The following PKHD1 variants were observed in gnomAD, a reference collection of about 807,000 sequenced individuals.
PKHD1 encodes the protein PKHD1 ciliary IPT domain containing fibrocystin/polyductin.
A neutral mutation model predicts 412.0 loss-of-function variants in PKHD1; 291 were observed. The ratio of observed to expected loss-of-function variants is 0.71; its 90% CI spans 0.64 to 0.78. The LOEUF (loss-of-function observed/expected upper bound fraction) is 0.78, where lower values mean the gene tolerates loss of function less well. PKHD1 is among the 30% of genes least tolerant of loss of function. The probability of loss-of-function intolerance (pLI) is 0.00; values close to 1 mark genes in which losing one functional copy is unlikely to be tolerated. For missense variants in PKHD1, 4,825 were observed against 4,950.7 expected (o/e 0.97, Z 0.76); for synonymous variants, 1,777 against 1,821.5 (o/e 0.98, Z 0.62).
At chr6:51,848,834 T>C (rs190725652) in intron 49 of PKHD1, among the ~76,000 whole-genome samples, 11 of 150,548 alleles carry the variant, frequency 7.3e-5, no homozygotes, top group Non-Finnish European at 1.2e-4. Flanking sequence ...AGTATGAAAA[T>C]AAGCTTAGGG....
At chr6:51,933,661 C>T (rs1786995827) in intron 37 of PKHD1, among the ~76,000 whole-genome samples, 1 of 152,224 alleles carries the variant, frequency 6.6e-6, no homozygotes, top group Admixed American at 6.5e-5. Flanking sequence ...GCAGAAGGAA[C>T]TGCCTCTATC....
chr6:51,994,296 A>G (rs1027417981), intron 35 of PKHD1, among the ~76,000 whole-genome samples: 9 of 152,102 alleles, frequency 5.9e-5, no homozygotes, highest in African/African-American at 1.7e-4. Context: ...CACCGCGCCC[A>G]GCTAATTTTT....
At chr6:52,033,009 T>C in intron 29 of PKHD1, 21 bp downstream of exon 29, 1 of 1,599,534 alleles carries the variant, frequency 6.3e-7, no homozygotes, top group Non-Finnish European at 8.6e-7. Context: ...GAAAAAGATC[T>C]TGCAGTATCA....
At chr6:52,048,035 C>T (rs774909473) in intron 23 of PKHD1, among the ~76,000 whole-genome samples, 3 of 152,102 alleles carry the variant, frequency 2.0e-5, no homozygotes, top group Non-Finnish European at 4.4e-5. Flanking sequence ...GCAACGTGAC[C>T]ACAGAGGCGG....
chr6:51,657,187 G>T (rs1352599169), intron 61 of PKHD1, among the ~76,000 whole-genome samples: 1 of 151,862 alleles, frequency 6.6e-6, no homozygotes, highest in Admixed American at 6.6e-5. Flanking sequence ...CAGTTCATGG[G>T]CTCGTCAATG....
At position 51,861,015 on chromosome 6, in the gene PKHD1, G is replaced by A. The variant is rs556749817; in HGVS notation, c.7734-4945C>T. ...TTTAGTACAGATGGGGTTTCACCATGTTGGCCAGGCTGGTCTCGAACTCCT... is the reference window on the plus strand; with the variant it reads ...TTTAGTACAGATGGGGTTTCACCATATTGGCCAGGCTGGTCTCGAACTCCT... On this transcript the variant is annotated intron_variant, in intron 48 of 66. Transcript: ENST00000371117. Among the ~76,000 whole-genome samples, 17 of 152,196 alleles carry A rather than the reference G, an allele frequency of 1.1e-4. 1 individual carries two copies. In the South Asian group the frequency reaches 3.3e-3, roughly 30 times the overall value.
At chr6:51,902,191 CA>C (rs1445462011) in intron 43 of PKHD1, among the ~76,000 whole-genome samples, 2 of 152,338 alleles carry the variant, frequency 1.3e-5, no homozygotes, top group Non-Finnish European at 2.9e-5. Flanking sequence ...TACACAAAAA[CA>C]TGGTTTCTTA....
At chr6:51,916,458 T>C (rs1783829054) in intron 37 of PKHD1, among the ~76,000 whole-genome samples, 1 of 152,140 alleles carries the variant, frequency 6.6e-6, no homozygotes, top group South Asian at 2.1e-4. Flanking sequence ...CAAGATTATA[T>C]GGTAATAGAT....
At chr6:51,730,740 T>C (rs1223848523) in intron 60 of PKHD1, among the ~76,000 whole-genome samples, 5 of 152,220 alleles carry the variant, frequency 3.3e-5, no homozygotes, top group East Asian at 1.9e-4. Context: ...TTGGTATCTA[T>C]TGGCAAGGCA....
chr6:52,063,688 C>G (rs1582044937), intron 13 of PKHD1, among the ~76,000 whole-genome samples: 1 of 152,358 alleles, frequency 6.6e-6, no homozygotes, highest in Non-Finnish European at 1.5e-5. Flanking sequence ...TTCCCAGCCT[C>G]AGCCCACTAG....
intron 33 of PKHD1, among the ~76,000 whole-genome samples, chr6:52,018,452 T>C (rs970760482): frequency 2.0e-5 from 3 of 152,240 alleles, no homozygotes; most frequent in Non-Finnish European, 4.4e-5. Flanking sequence ...CAATCAGGTG[T>C]GTAAAATGGC....
At chr6:51,664,953 A>T (rs1166899811) in intron 60 of PKHD1, among the ~76,000 whole-genome samples, 2 of 152,124 alleles carry the variant, frequency 1.3e-5, no homozygotes, top group Non-Finnish European at 2.9e-5. Flanking sequence ...TTCATCAAAT[A>T]TTAGTTATTA....
At chr6:51,635,956 C>T (rs987742938) in intron 64 of PKHD1, among the ~76,000 whole-genome samples, 21 of 151,636 alleles carry the variant, frequency 1.4e-4, no homozygotes, top group Non-Finnish European at 2.5e-4. Context: ...GAGAACCCCA[C>T]GGCACCAAGA....
chr6:51,726,433 C>G (rs906457235), intron 60 of PKHD1, among the ~76,000 whole-genome samples: 1 of 152,086 alleles, frequency 6.6e-6, no homozygotes, highest in African/African-American at 2.4e-5. Flanking sequence ...AAAGACAAAC[C>G]AGGCTATACT....
chr6:52,061,337 C>T (rs1369833174), intron 14 of PKHD1, among the ~76,000 whole-genome samples: 2 of 152,118 alleles, frequency 1.3e-5, no homozygotes, highest in African/African-American at 4.8e-5. Context: ...TGCACACCAT[C>T]ACACCTGGCT....
At chr6:51,825,252 C>A (rs75115025) in intron 52 of PKHD1, among the ~76,000 whole-genome samples, 2,123 of 152,240 alleles carry the variant, frequency 0.014, 46 homozygotes, top group African/African-American at 0.049. Context: ...AGAGGTGGAA[C>A]CTAATTCTTC....
rs528659190 is a variant in PKHD1 at position 52,061,670 on chromosome 6, C to T, written c.1118+849G>A. Among the ~76,000 whole-genome samples the T allele has an allele frequency of 6.1e-5, 9 of 147,684 alleles. No homozygotes were observed. In the East Asian group the frequency reaches 6.8e-4, roughly 11 times the overall value. On this transcript the variant is annotated intron_variant, in intron 14 of 66. Coordinates refer to ENST00000371117, the MANE Select transcript of PKHD1 (RefSeq NM_138694.4). Reference sequence around the variant, plus strand: ...TTGCGGTTTTTGCCATTACCTTCAACGGTAAAAACCGCAATTACTTTTGCA... The same window carrying T: ...TTGCGGTTTTTGCCATTACCTTCAATGGTAAAAACCGCAATTACTTTTGCA...
At chr6:51,698,708 C>T (rs1779081436) in intron 60 of PKHD1, among the ~76,000 whole-genome samples, 1 of 152,130 alleles carries the variant, frequency 6.6e-6, no homozygotes, top group Admixed American at 6.6e-5. Flanking sequence ...ATGTATGTCG[C>T]TTAAAGCAAG....
chr6:51,807,485 A>ATATATGTG lies in PKHD1; in HGVS notation c.8303-16113_8303-16112insCACATATA, dbSNP rs765667001. ...TATATATATATATATATATATGTAT[A>ATATATGTG]TGTGTGTGTGTGTGTGTGTGTGTGT... On this transcript the variant is annotated intron_variant, in intron 52 of 66. Transcript: ENST00000371117. Among the ~76,000 whole-genome samples the ATATATGTG allele has an allele frequency of 6.7e-3, 753 of 111,722 alleles. 7 individuals carry two copies. Among genetic ancestry groups the ATATATGTG allele is most frequent in the Middle Eastern group, 0.015 (3 of 196 alleles). 73.3% of individuals were successfully genotyped at this position (111,722 alleles called of 152,430 possible).
Sources: gnomAD v4.1 joint callset for allele counts (sites outside exome capture counted in the v4.1 genomes callset) on GRCh38, gnomAD v4.1.1 for gene constraint, MANE v1.5 for transcripts, NCBI Gene and HGNC (gene_info 2026-07-23, HGNC 2026-07-21) for gene names.